The following HMGCLL1 variants were observed in gnomAD, a reference collection of about 807,000 sequenced individuals.
HMGCLL1 encodes 3-hydroxymethyl-3-methylglutaryl-CoA lyase, cytoplasmic.
Under a neutral mutation model 39.1 loss-of-function variants are expected in HMGCLL1, and 36 were observed. The observed-to-expected ratio is 0.92, with a 90% CI of 0.71 to 1.22. HMGCLL1 has a LOEUF of 1.22. Among genes scored for constraint, HMGCLL1 ranks in the 50% most tolerant of loss-of-function variants. HMGCLL1 has a pLI of 0.00. For synonymous variants in HMGCLL1, 149 were observed against 144.0 expected (o/e 1.03, Z -0.25); for missense variants, 451 against 416.5 (o/e 1.08, Z -0.72).
chr6:55,650,880 G>T, the HMGCLL1 span, among the ~76,000 whole-genome samples: 2 of 151,808 alleles, frequency 1.3e-5, no homozygotes, highest in Non-Finnish European at 2.9e-5. Flanking sequence ...AAGCCCAAAG[G>T]CTCTTCTGTC....
At chr6:55,519,724 G>A (rs1430909046) in intron 3 of HMGCLL1, among the ~76,000 whole-genome samples, 1 of 152,008 alleles carries the variant, frequency 6.6e-6, no homozygotes, top group Non-Finnish European at 1.5e-5. Flanking sequence ...GTATGTATAA[G>A]TATTTATTAG....
At chr6:55,678,639 CA>C in the HMGCLL1 span, among the ~76,000 whole-genome samples, 1 of 151,872 alleles carries the variant, frequency 6.6e-6, no homozygotes, top group Non-Finnish European at 1.5e-5. Context: ...AAAACAAAAA[CA>C]AACAAACAAA....
At chr6:55,612,544 C>T in the HMGCLL1 span, among the ~76,000 whole-genome samples, 1 of 152,292 alleles carries the variant, frequency 6.6e-6, no homozygotes, top group Non-Finnish European at 1.5e-5. Context: ...TACCTGACTT[C>T]AAACTACACT....
chr6:55,661,252 G>A, the HMGCLL1 span, among the ~76,000 whole-genome samples: 1 of 151,690 alleles, frequency 6.6e-6, no homozygotes, highest in Non-Finnish European at 1.5e-5. Context: ...TGCTTTTTTT[G>A]TGATTGCTTT....
At chr6:55,514,283 G>T in intron 4 of HMGCLL1, 87 bp from the exon 5 acceptor site, 2 of 926,698 alleles carry the variant, frequency 2.2e-6, no homozygotes, top group South Asian at 1.8e-5. Context: ...ACTCTATGAA[G>T]GCATACATGT....
At chr6:55,557,821 G>A (rs1012817727) in intron 1 of HMGCLL1, among the ~76,000 whole-genome samples, 2 of 152,176 alleles carry the variant, frequency 1.3e-5, no homozygotes, top group African/African-American at 2.4e-5. Context: ...TACGTTGCCC[G>A]TATAGAGTAC....
chr6:55,570,603 C>T (rs1771430930), intron 1 of HMGCLL1, among the ~76,000 whole-genome samples: 1 of 152,168 alleles, frequency 6.6e-6, no homozygotes, highest in African/African-American at 2.4e-5. Context: ...CCCTTCATCC[C>T]AAATCCTGAC....
intron 7 of HMGCLL1, among the ~76,000 whole-genome samples, chr6:55,483,174 G>A (rs1449160890): frequency 6.6e-6 from 1 of 152,112 alleles, no homozygotes; most frequent in African/African-American, 2.4e-5. Context: ...TGTAAATTAT[G>A]TATTTAATAT....
the HMGCLL1 span, among the ~76,000 whole-genome samples, chr6:55,632,692 A>G: frequency 6.6e-6 from 1 of 152,100 alleles, no homozygotes; most frequent in Non-Finnish European, 1.5e-5. Context: ...ATATACCTAT[A>G]TTATAGCACC....
At chr6:55,571,209 T>C (rs1026768344) in intron 1 of HMGCLL1, among the ~76,000 whole-genome samples, 3 of 152,166 alleles carry the variant, frequency 2.0e-5, no homozygotes, top group African/African-American at 4.8e-5. Flanking sequence ...CAAGTAAAAA[T>C]TACAAGTCTT....
chr6:55,667,876 A>C, the HMGCLL1 span, among the ~76,000 whole-genome samples: 1 of 151,796 alleles, frequency 6.6e-6, no homozygotes, highest in Admixed American at 6.6e-5. Context: ...TTTCTTATAC[A>C]ATATACACTA....
intron 7 of HMGCLL1, among the ~76,000 whole-genome samples, chr6:55,444,832 A>G (rs549470595): frequency 6.6e-6 from 1 of 152,058 alleles, no homozygotes; most frequent in Non-Finnish European, 1.5e-5. Flanking sequence ...ATTTATTCAT[A>G]TTTTGCAATA....
At chr6:55,657,335 T>C in the HMGCLL1 span, among the ~76,000 whole-genome samples, 278 of 152,074 alleles carry the variant, frequency 1.8e-3, 1 homozygote, top group Non-Finnish European at 2.9e-3. Context: ...TAGTTTTGAG[T>C]TTTACATTTA....
the HMGCLL1 span, among the ~76,000 whole-genome samples, chr6:55,670,615 A>C: frequency 6.6e-6 from 1 of 151,798 alleles, no homozygotes; most frequent in Non-Finnish European, 1.5e-5. Flanking sequence ...TTCCTACTGA[A>C]GTGGTAAAAT....
the HMGCLL1 span, among the ~76,000 whole-genome samples, chr6:55,594,969 A>G: frequency 1.2e-4 from 18 of 152,214 alleles, no homozygotes; most frequent in Non-Finnish European, 1.8e-4. Context: ...GTGCAGTATA[A>G]ATCTACAACT....
In HMGCLL1 at chr6:55,543,289, ATTATATATCATATAT is replaced by A. The variant is rs1561950872; in HGVS notation, c.109-1164_109-1150del. Among the ~76,000 whole-genome samples, 32 of 19,216 alleles carry A rather than the reference ATTATATATCATATAT, an allele frequency of 1.7e-3. 1 individual carries two copies. Among genetic ancestry groups the A allele is most frequent in the African/African-American group, 5.6e-3 (31 of 5,506 alleles). The allele number at this position is 19,216 out of a possible 152,430, so 12.6% of individuals were successfully genotyped here. A position where few individuals can be genotyped will look rare whatever the true frequency, so the allele number is the denominator to read the frequency against. On this transcript the variant is annotated intron_variant, in intron 1 of 8. Transcript: ENST00000274901. ...AATATATCTATATTATATATAATAT[ATTATATATCATATAT>A]GATATATAATATATAATATATATTA...
At chr6:55,579,225 G>A (rs1316906886), upstream of HMGCLL1, 3 of 607,994 alleles carry the variant, frequency 4.9e-6, no homozygotes, top group Non-Finnish European at 8.7e-6. Flanking sequence ...GCGGGGAGTG[G>A]GGCGTGGCAG....
At chr6:55,675,486 A>G in the HMGCLL1 span, among the ~76,000 whole-genome samples, 1 of 152,172 alleles carries the variant, frequency 6.6e-6, no homozygotes, top group African/African-American at 2.4e-5. Context: ...GTCAGTGGCC[A>G]TATTCAAACT....
At chr6:55,495,758 C>G (rs1372322994) in intron 6 of HMGCLL1, 151 bp from the exon 7 acceptor site, 2 of 508,410 alleles carry the variant, frequency 3.9e-6, no homozygotes, top group African/African-American at 3.9e-5. Context: ...GGTCCTTTTT[C>G]TTTGCTTATG....
Sources: gnomAD v4.1 joint callset for allele counts (sites outside exome capture counted in the v4.1 genomes callset) on GRCh38, gnomAD v4.1.1 for gene constraint, MANE v1.5 for transcripts, NCBI Gene and HGNC (gene_info 2026-07-23, HGNC 2026-07-21) for gene names.